Variants in DNAJC13 observed in about 807,000 individuals in gnomAD.
The protein encoded by DNAJC13 is DnaJ heat shock protein family (Hsp40) member C13, also known as dnaJ homolog subfamily C member 13.
Under a neutral mutation model 290.5 loss-of-function variants are expected in DNAJC13, and 75 were observed. The ratio of observed to expected loss-of-function variants is 0.26; its 90% CI spans 0.21 to 0.31. The LOEUF (loss-of-function observed/expected upper bound fraction) is 0.31, where lower values mean the gene tolerates loss of function less well. DNAJC13 is among the 10% of genes least tolerant of loss of function. The probability of loss-of-function intolerance (pLI) is 1.00; values close to 1 mark genes in which losing one functional copy is unlikely to be tolerated. For missense variants in DNAJC13, 2,260 were observed against 2,674.5 expected (o/e 0.85, Z 3.42); for synonymous variants, 862 against 892.0 (o/e 0.97, Z 0.60).
chr3:132,505,101 G>A (rs1333220283), intron 41 of DNAJC13, among the ~76,000 whole-genome samples: 1 of 152,130 alleles, frequency 6.6e-6, no homozygotes, highest in Non-Finnish European at 1.5e-5. Context: ...ATAATTTAAT[G>A]ATTTGCAGTC....
chr3:132,528,829 C>T (rs1003428064), intron 54 of DNAJC13, among the ~76,000 whole-genome samples: 3 of 151,650 alleles, frequency 2.0e-5, no homozygotes, highest in South Asian at 2.1e-4. Flanking sequence ...TTCAGCTGCA[C>T]GTATTTGCTG....
In DNAJC13 at chr3:132,453,293, T is replaced by C. The variant is rs1258641210; in HGVS notation, c.538-5T>C. The C allele has an allele frequency of 6.2e-7, 1 of 1,611,804 alleles. No homozygotes were observed. The highest frequency in any genetic ancestry group is 1.7e-5 in the Admixed American group (1 of 59,784). On this transcript the variant is annotated splice_polypyrimidine_tract_variant and splice_region_variant and intron_variant, in intron 6 of 55. Transcript: ENST00000260818. ...CTGACTTTTTAAATTTCTAAATTTG[T>C]GCAGCATTTATTTGCGTCAGAGCAA... is the stretch of plus-strand genomic sequence containing the variant.
chr3:132,419,754 G>C (rs1468594136), intron 1 of DNAJC13, among the ~76,000 whole-genome samples: 2 of 152,124 alleles, frequency 1.3e-5, no homozygotes, highest in African/African-American at 4.8e-5. Flanking sequence ...AATAGGTTTT[G>C]GCCTAAATGT....
At chr3:132,449,785 C>T (rs1214282257) in intron 5 of DNAJC13, among the ~76,000 whole-genome samples, 1 of 152,092 alleles carries the variant, frequency 6.6e-6, no homozygotes, top group Non-Finnish European at 1.5e-5. Context: ...GACCATGTAT[C>T]CCACTTTATA....
chr3:132,432,791 G>A (rs1159753141), intron 1 of DNAJC13, among the ~76,000 whole-genome samples: 1 of 152,156 alleles, frequency 6.6e-6, no homozygotes, highest in Non-Finnish European at 1.5e-5. Context: ...ACTGTTAGGA[G>A]GCTGATTCCA....
intron 2 of DNAJC13, 77 bp from the exon 3 acceptor site, chr3:132,446,398 G>GT: frequency 9.9e-7 from 1 of 1,010,972 alleles, no homozygotes; most frequent in African/African-American, 1.6e-5. Flanking sequence ...TGAACTGTTT[G>GT]TTTTGTGTTA....
chr3:132,500,765 G>C, intron 38 of DNAJC13, 29 bp from the exon 39 acceptor site: 1 of 1,611,628 alleles, frequency 6.2e-7, no homozygotes, highest in South Asian at 1.1e-5. Context: ...GACTCTACTG[G>C]TTTTTTTGCT....
chr3:132,495,234 A>G (rs1935199323), intron 35 of DNAJC13, 68 bp downstream of exon 35: 1 of 1,253,404 alleles, frequency 8.0e-7, no homozygotes, highest in Non-Finnish European at 1.2e-6. Context: ...GTTGGAGAAA[A>G]GTATATTACC....
chr3:132,483,287 T>G lies in DNAJC13; in HGVS notation c.2980-88T>G, dbSNP rs894875652. On this transcript the variant is annotated intron_variant, in intron 27 of 55. Transcript: ENST00000260818. Reference sequence around the variant, plus strand: ...TGTACTTACATGTTTGTTTCATAATTTAGTATGTATTTACTATAAAGTAGA... The same window carrying G: ...TGTACTTACATGTTTGTTTCATAATGTAGTATGTATTTACTATAAAGTAGA... 2.7e-6 allele frequency: 3 copies of G among 1,128,356 alleles called. No homozygotes were observed. In the African/African-American group the frequency reaches 4.7e-5, roughly 18 times the overall value. 69.9% of individuals were successfully genotyped at this position (1,128,356 alleles called of 1,614,324 possible).
chr3:132,538,850 CT>C lies in DNAJC13; in HGVS notation c.*570del, dbSNP rs1936678897. 1 of 152,204 alleles carries C rather than the reference CT, an allele frequency of 6.6e-6. No individual in the cohort carries two copies. Among genetic ancestry groups the C allele is most frequent in the Non-Finnish European group, 1.5e-5 (1 of 68,016 alleles). 9.4% of individuals were successfully genotyped at this position (152,204 alleles called of 1,614,324 possible). ...CTTTACCAAATTGAATGAAAAGGAG[CT>C]TGTGCAAAAAAATTTAAAAATGGAT... On this transcript the variant is annotated 3_prime_UTR_variant, in exon 56 of 56. Transcript: ENST00000260818.
chr3:132,531,870 C>T (rs141754629), intron 55 of DNAJC13, among the ~76,000 whole-genome samples: 4 of 151,734 alleles, frequency 2.6e-5, no homozygotes, highest in South Asian at 2.1e-4. Flanking sequence ...TAGGGTGTGT[C>T]GTTTTATGGG....
At chr3:132,419,845 A>T (rs1384416662) in intron 1 of DNAJC13, among the ~76,000 whole-genome samples, 2 of 152,192 alleles carry the variant, frequency 1.3e-5, no homozygotes, top group Non-Finnish European at 2.9e-5. Flanking sequence ...TCTCAACTTT[A>T]TTAGACCCAA....
At chr3:132,521,962 A>G (rs1157583836) in intron 48 of DNAJC13, among the ~76,000 whole-genome samples, 1 of 152,206 alleles carries the variant, frequency 6.6e-6, no homozygotes, top group East Asian at 1.9e-4. Flanking sequence ...TGTAATTGAA[A>G]TTTAGTTCAT....
At position 132,528,317 on chromosome 3, in the gene DNAJC13, G is replaced by T. The variant is rs548535062; in HGVS notation, c.6510G>T (p.Leu2170Phe). The change falls in exon 54 of 56, where the codon TTG (leucine) becomes TTT (phenylalanine). Residue 2170 changes from leucine (L) to phenylalanine (F), a missense_variant. Coordinates refer to ENST00000260818, the MANE Select transcript of DNAJC13 (RefSeq NM_015268.4). ...CTCTCAAGGCAATGACTCGAAGTTT[G>T]CAGTATGGAGAACAGGTGAGTCTGC... ...VKALKAMTRSLQYGEQVNEIL... is the reference protein window; with the variant it reads ...VKALKAMTRSFQYGEQVNEIL... 1.2e-6 allele frequency: 2 copies of T among 1,614,088 alleles called. No homozygotes were observed. The highest frequency in any genetic ancestry group is 1.7e-6 in the Non-Finnish European group (2 of 1,180,024).
chr3:132,499,301 T>C lies in DNAJC13; in HGVS notation c.4332T>C (p.Asn1444=). 6.2e-7 allele frequency: 1 copy of C among 1,607,334 alleles called. No individual in the cohort carries two copies. Among genetic ancestry groups the C allele is most frequent in the Non-Finnish European group, 8.5e-7 (1 of 1,175,532 alleles). Residue 1444 remains asparagine (N), a synonymous_variant, in exon 37 of 56, where the codon AAT becomes AAC. Transcript: ENST00000260818. ...ATGCTGAAGAGCTCAGAAGAGAGAA[T>C]GGACTAGAGGTAATACGGAGTGACC... ...ALNAEELRRE[N]GLEVLQEAFS... is the part of the protein sequence containing the mutation.
chr3:132,434,701 C>G (rs1321758281), intron 2 of DNAJC13, 83 bp downstream of exon 2: 8 of 1,107,334 alleles, frequency 7.2e-6, no homozygotes, highest in Non-Finnish European at 1.0e-5. Flanking sequence ...TTGAATAATA[C>G]TGCACAACTC....
chr3:132,536,237 T>C (rs1936586855), intron 55 of DNAJC13, among the ~76,000 whole-genome samples: 1 of 152,212 alleles, frequency 6.6e-6, no homozygotes. Context: ...AGCTGGATGA[T>C]GTGGCAGGCA....
intron 48 of DNAJC13, among the ~76,000 whole-genome samples, chr3:132,522,398 G>C (rs35201368): frequency 0.013 from 1,988 of 152,282 alleles, 18 homozygotes; most frequent in Non-Finnish European, 0.021. Context: ...ATACTTGTAA[G>C]ACAGAGGTAG....
intron 3 of DNAJC13, among the ~76,000 whole-genome samples, chr3:132,446,924 G>A (rs1933261471): frequency 6.6e-6 from 1 of 152,002 alleles, no homozygotes; most frequent in African/African-American, 2.4e-5. Context: ...CATGGGAGTA[G>A]GATTATGGGT....
Sources: allele counts gnomAD v4.1 joint callset (sites outside exome capture counted in the v4.1 genomes callset), GRCh38; gene constraint gnomAD v4.1.1; transcripts MANE v1.5; gene names NCBI Gene and HGNC (gene_info 2026-07-23, HGNC 2026-07-21).